The following ST6GALNAC5 variants were observed in gnomAD, a reference collection of about 807,000 sequenced individuals.
ST6GALNAC5 encodes the protein ST6 N-acetylgalactosaminide alpha-2,6-sialyltransferase 5, also known as alpha-N-acetylgalactosaminide alpha-2,6-sialyltransferase 5.
A neutral mutation model predicts 33.6 loss-of-function variants in ST6GALNAC5; 27 were observed. That is an observed-to-expected ratio of 0.80 (90% CI 0.59 to 1.11). The LOEUF is 1.11. Among genes scored for constraint, ST6GALNAC5 ranks in the 50% least tolerant of loss-of-function variants. The pLI is 0.00. For synonymous variants in ST6GALNAC5, 194 were observed against 171.2 expected, an observed-to-expected ratio of 1.13 and a Z score of -1.04; for missense variants, 428 against 454.0, an observed-to-expected ratio of 0.94 and a Z score of 0.52.
At chr1:76,882,955 G>A (rs971586068) in intron 2 of ST6GALNAC5, among the ~76,000 whole-genome samples, 2 of 152,022 alleles carry the variant, frequency 1.3e-5, no homozygotes, top group Non-Finnish European at 2.9e-5. Context: ...ACGCACCCAG[G>A]CACCGCACAT....
intron 2 of ST6GALNAC5, among the ~76,000 whole-genome samples, chr1:77,034,939 C>T (rs1190731811): frequency 6.6e-6 from 1 of 152,152 alleles, no homozygotes; most frequent in Non-Finnish European, 1.5e-5. Context: ...CAGATGCTAC[C>T]TTTCGTGTAT....
intron 2 of ST6GALNAC5, among the ~76,000 whole-genome samples, chr1:76,917,633 TATAA>T (rs1338229913): frequency 3.3e-5 from 5 of 151,280 alleles, no homozygotes; most frequent in Admixed American, 6.6e-5. Flanking sequence ...CAATAGGCAT[TATAA>T]ATAAATAAAT....
At chr1:76,936,209 C>G (rs956509441) in intron 2 of ST6GALNAC5, among the ~76,000 whole-genome samples, 2 of 152,048 alleles carry the variant, frequency 1.3e-5, no homozygotes, top group African/African-American at 4.8e-5. Context: ...TTTCCTTCTT[C>G]AAATTGTTCT....
At chr1:77,026,205 G>A (rs748657645) in intron 2 of ST6GALNAC5, among the ~76,000 whole-genome samples, 42 of 151,236 alleles carry the variant, frequency 2.8e-4, no homozygotes, top group Non-Finnish European at 4.6e-4. Flanking sequence ...TTGGAAAAAA[G>A]AGCCCTGGGA....
chr1:76,937,694 TACCTC>T (rs1647225298), intron 2 of ST6GALNAC5, among the ~76,000 whole-genome samples: 1 of 152,080 alleles, frequency 6.6e-6, no homozygotes, highest in Non-Finnish European at 1.5e-5. Flanking sequence ...TGTGAACCTG[TACCTC>T]ACACTGATGT....
At chr1:77,060,791 C>A (rs1426152420) in intron 4 of ST6GALNAC5, among the ~76,000 whole-genome samples, 1 of 152,068 alleles carries the variant, frequency 6.6e-6, no homozygotes, top group Non-Finnish European at 1.5e-5. Flanking sequence ...GGTGCCGAAT[C>A]AATCTTATGA....
chr1:77,010,490 G>C (rs1032455034), intron 2 of ST6GALNAC5, among the ~76,000 whole-genome samples: 2 of 151,964 alleles, frequency 1.3e-5, no homozygotes, highest in East Asian at 3.9e-4. Context: ...GCAAGACTCT[G>C]TCTCAAAAAA....
intron 2 of ST6GALNAC5, among the ~76,000 whole-genome samples, chr1:76,876,091 G>A (rs974825195): frequency 6.6e-6 from 1 of 152,226 alleles, no homozygotes; most frequent in African/African-American, 2.4e-5. Flanking sequence ...ATTGTGTGCA[G>A]GATAGGCAAA....
In ST6GALNAC5 at chr1:76,965,146, T is replaced by C. The variant is rs367882865; in HGVS notation, c.262-79058T>C. ...CCAGTAATAGGATGGCTGGGTCAAA[T>C]GATAATTCTAGTTCTAGATCCTTGA... is the stretch of plus-strand genomic sequence containing the variant. On this transcript the variant is annotated intron_variant, in intron 2 of 4. Coordinates refer to ENST00000477717, the MANE Select transcript of ST6GALNAC5 (RefSeq NM_030965.3). Among the ~76,000 whole-genome samples the C allele has an allele frequency of 9.9e-5, 15 of 152,250 alleles. No homozygotes were observed. In the South Asian group the frequency reaches 2.1e-3, roughly 21 times the overall value.
At chr1:77,054,486 T>G (rs181161087) in intron 4 of ST6GALNAC5, among the ~76,000 whole-genome samples, 1 of 152,342 alleles carries the variant, frequency 6.6e-6, no homozygotes, top group East Asian at 1.9e-4. Context: ...TTTAACAACC[T>G]CTGGTCTAAG....
intron 4 of ST6GALNAC5, among the ~76,000 whole-genome samples, chr1:77,060,527 C>T (rs528402330): frequency 4.6e-5 from 7 of 152,244 alleles, no homozygotes; most frequent in African/African-American, 1.2e-4. Context: ...CAGTTTCCAG[C>T]GCTGCCTTCT....
At chr1:76,998,460 A>G (rs1198066854) in intron 2 of ST6GALNAC5, among the ~76,000 whole-genome samples, 1 of 152,192 alleles carries the variant, frequency 6.6e-6, no homozygotes, top group Non-Finnish European at 1.5e-5. Flanking sequence ...AAAAATGTTT[A>G]TGACAATTAT....
intron 2 of ST6GALNAC5, among the ~76,000 whole-genome samples, chr1:76,878,908 A>G (rs1653712658): frequency 6.6e-6 from 1 of 152,152 alleles, no homozygotes; most frequent in Non-Finnish European, 1.5e-5. Context: ...TCTGCTGTCC[A>G]TTAAGGTAGC....
chr1:76,918,065 C>T (rs1269673196), intron 2 of ST6GALNAC5, among the ~76,000 whole-genome samples: 1 of 152,054 alleles, frequency 6.6e-6, no homozygotes, highest in Admixed American at 6.6e-5. Flanking sequence ...ATGGCCAAGT[C>T]AATTTGACAC....
At chr1:76,914,645 C>A (rs1422883854) in intron 2 of ST6GALNAC5, among the ~76,000 whole-genome samples, 8 of 152,188 alleles carry the variant, frequency 5.3e-5, no homozygotes, top group Admixed American at 1.3e-4. Flanking sequence ...CATATGTAGA[C>A]AGCTGAAACT....
At chr1:76,992,790 C>T (rs1002222075) in intron 2 of ST6GALNAC5, among the ~76,000 whole-genome samples, 3 of 152,168 alleles carry the variant, frequency 2.0e-5, no homozygotes, top group Non-Finnish European at 4.4e-5. Flanking sequence ...CCACTGAGCC[C>T]ATAAATAATA....
chr1:76,972,786 A>G (rs1158102013), intron 2 of ST6GALNAC5, among the ~76,000 whole-genome samples: 3 of 152,206 alleles, frequency 2.0e-5, no homozygotes, highest in Non-Finnish European at 4.4e-5. Flanking sequence ...CACTCCCATC[A>G]TCAATAATTG....
intron 2 of ST6GALNAC5, among the ~76,000 whole-genome samples, chr1:76,920,954 A>G (rs553822096): frequency 6.6e-6 from 1 of 152,318 alleles, no homozygotes; most frequent in East Asian, 1.9e-4. Context: ...GGTCATGAGA[A>G]TAGGAAATAG....
At chr1:76,898,067 G>C (rs1319001404) in intron 2 of ST6GALNAC5, among the ~76,000 whole-genome samples, 3 of 152,240 alleles carry the variant, frequency 2.0e-5, no homozygotes, top group Admixed American at 2.0e-4. Flanking sequence ...CTGGGAAGGA[G>C]TCAGTCAGAG....
Sources: gnomAD v4.1 joint callset for allele counts (sites outside exome capture counted in the v4.1 genomes callset) on GRCh38, gnomAD v4.1.1 for gene constraint, MANE v1.5 for transcripts, NCBI Gene and HGNC (gene_info 2026-07-23, HGNC 2026-07-21) for gene names.